NCKAP1L: variants seen among roughly 807,000 people sequenced by gnomAD.
The protein encoded by NCKAP1L is nck-associated protein 1-like.
In NCKAP1L, 53 loss-of-function variants were observed where a neutral mutation model predicts 139.2. The ratio of observed to expected loss-of-function variants is 0.38; its 90% CI spans 0.31 to 0.48. NCKAP1L has a LOEUF of 0.48. NCKAP1L is among the 20% of genes least tolerant of loss of function. The pLI, the probability that NCKAP1L is intolerant of heterozygous loss-of-function variation, is 0.98. For synonymous variants in NCKAP1L, 468 were observed against 499.7 expected (o/e 0.94, Z 0.85); for missense variants, 1,151 against 1,381.9 (o/e 0.83, Z 2.65).
At position 54,542,653 on chromosome 12, in the gene NCKAP1L, CG is replaced by C. The variant is rs1565685458; in HGVS notation, c.3355del (p.Glu1119ArgfsTer8). On this transcript the variant is annotated frameshift_variant, in exon 31 of 31. Coordinates refer to ENST00000293373, the MANE Select transcript of NCKAP1L (RefSeq NM_005337.5). LOFTEE classifies it high-confidence loss of function. ...TTATGTCCTGCTTCGAAATGCCTATCGGGAGGTGTCTCGGGCCTTCCACCTA... is the reference window on the plus strand; with the variant it reads ...TTATGTCCTGCTTCGAAATGCCTATCGGAGGTGTCTCGGGCCTTCCACCTA... ...FPYVLLRNAY[R>X]EVSRAFHLN 6.2e-7 allele frequency: 1 copy of C among 1,613,440 alleles called. No homozygotes were observed. The highest frequency in any genetic ancestry group is 1.1e-5 in the South Asian group (1 of 91,072).
chr12:54,547,848 G>A lies in NCKAP1L; in HGVS notation c.*5163G>A, dbSNP rs1957211358. The A allele has an allele frequency of 6.6e-6, 1 of 152,200 alleles. No individual in the cohort carries two copies. Among genetic ancestry groups the A allele is most frequent in the African/African-American group, 2.4e-5 (1 of 41,426 alleles). The allele number at this position is 152,200 out of a possible 1,614,324, so 9.4% of individuals were successfully genotyped here. On this transcript the variant is annotated 3_prime_UTR_variant, in exon 31 of 31. Transcript: ENST00000293373. ...TAGGAGTGTGACTAGGGTCTCAGAT[G>A]CAGCCATTTCTTGGCTGGGTCTGGG...
chr12:54,501,914 T>C (rs1399600066), intron 3 of NCKAP1L, among the ~76,000 whole-genome samples: 3 of 152,256 alleles, frequency 2.0e-5, no homozygotes, highest in African/African-American at 4.8e-5. Flanking sequence ...ATTTCGTTTT[T>C]TTGACAGTAG....
Position 54,519,227 on chromosome 12 carries a change from A to G in NCKAP1L, c.1520A>G (p.Glu507Gly). The G allele has an allele frequency of 6.3e-7, 1 of 1,581,350 alleles. No individual in the cohort carries two copies. The highest frequency in any genetic ancestry group is 8.5e-7 in the Non-Finnish European group (1 of 1,170,464). Residue 507 changes from glutamate (E) to glycine (G), a missense_variant, in exon 16 of 31, where the codon GAG becomes GGG. By Grantham distance (98) the Glu-to-Gly change is moderately conservative. Transcript: ENST00000293373. ...SVAKAPLHLH[E>G]NPDLAKVMNL... is the part of the protein sequence containing the mutation. ...GCTAAGGCCCCTCTGCACCTGCATG[A>G]GAACCCTGACTTAGCCAAGGTGATG...
At chr12:54,518,005 C>A in intron 13 of NCKAP1L, 67 bp downstream of exon 13, 3 of 1,571,014 alleles carry the variant, frequency 1.9e-6, no homozygotes, top group Non-Finnish European at 2.6e-6. Flanking sequence ...CCTATTGAAA[C>A]CACTCTGGCT....
chr12:54,538,186 T>C (rs948502621), intron 29 of NCKAP1L, among the ~76,000 whole-genome samples: 2 of 152,194 alleles, frequency 1.3e-5, no homozygotes, highest in Non-Finnish European at 2.9e-5. Context: ...TTCTGAGAAG[T>C]ACATGTCAGG....
At chr12:54,518,779 A>T in intron 14 of NCKAP1L, 47 bp downstream of exon 14, 1 of 1,547,026 alleles carries the variant, frequency 6.5e-7, no homozygotes, top group East Asian at 2.2e-5. Flanking sequence ...GAGGATGAAC[A>T]TCTTTTATCC....
intron 30 of NCKAP1L, 46 bp from the exon 31 acceptor site, chr12:54,542,529 A>T: frequency 7.0e-7 from 1 of 1,418,640 alleles, no homozygotes; most frequent in Non-Finnish European, 1.0e-6. Context: ...TATCACAGAC[A>T]AATGCCCTAC....
At chr12:54,527,044 A>T (rs904582927) in intron 21 of NCKAP1L, among the ~76,000 whole-genome samples, 12 of 152,078 alleles carry the variant, frequency 7.9e-5, no homozygotes, top group Admixed American at 7.9e-4. Flanking sequence ...TTACTGTTTC[A>T]ATTTCAAATG....
At chr12:54,497,983 C>A in intron 1 of NCKAP1L, 92 bp downstream of exon 1, 2 of 749,882 alleles carry the variant, frequency 2.7e-6, no homozygotes, top group Admixed American at 2.0e-5. Flanking sequence ...AGACTCCCAC[C>A]TTTTTTTCCA....
chr12:54,515,487 T>G (rs1237430397), intron 9 of NCKAP1L, among the ~76,000 whole-genome samples: 3 of 152,204 alleles, frequency 2.0e-5, no homozygotes, highest in African/African-American at 7.2e-5. Context: ...TGAAAAGGCC[T>G]TCTAATTTGG....
chr12:54,511,664 C>T, intron 7 of NCKAP1L, 139 bp from the exon 8 acceptor site: 1 of 812,962 alleles, frequency 1.2e-6, no homozygotes, highest in Non-Finnish European at 2.0e-6. Context: ...GCCCCTGCCT[C>T]CTAAAGTGTT....
chr12:54,501,694 T>C (rs113508446), intron 3 of NCKAP1L, among the ~76,000 whole-genome samples: 2,578 of 152,232 alleles, frequency 0.017, 84 homozygotes, highest in African/African-American at 0.059. Flanking sequence ...TTTGTAGAGA[T>C]GGGGTATCCC....
intron 4 of NCKAP1L, 99 bp from the exon 5 acceptor site, chr12:54,508,290 T>C: frequency 8.5e-7 from 1 of 1,183,148 alleles, no homozygotes; most frequent in Non-Finnish European, 1.2e-6. Context: ...ATAGATTCAC[T>C]CGGAATATAT....
intron 22 of NCKAP1L, among the ~76,000 whole-genome samples, chr12:54,529,954 C>T (rs1326786792): frequency 2.0e-5 from 3 of 152,232 alleles, no homozygotes; most frequent in African/African-American, 7.2e-5. Flanking sequence ...TTCTTCCTCT[C>T]TGTCAGCCAT....
intron 9 of NCKAP1L, among the ~76,000 whole-genome samples, chr12:54,515,957 C>T (rs867528752): frequency 6.6e-6 from 1 of 152,210 alleles, no homozygotes; most frequent in South Asian, 2.1e-4. Flanking sequence ...TCTAGCCCCA[C>T]CTTTGCCATT....
Position 54,519,320 on chromosome 12 carries a change from T to G in NCKAP1L, c.1613T>G (p.Leu538Arg), listed in dbSNP as rs1956961726. 1 of 1,572,034 alleles carries G rather than the reference T, an allele frequency of 6.4e-7. No individual in the cohort carries two copies. The part of the protein sequence containing the change: ...VEKLLVETSD[L>R]STFCFHLRIF... ...AAATTGCTGGTGGAAACTTCTGATCTGTCTACTTTCTGGTATGTCTTGGTT... is the reference window on the plus strand; with the variant it reads ...AAATTGCTGGTGGAAACTTCTGATCGGTCTACTTTCTGGTATGTCTTGGTT... The change falls in exon 16 of 31, where the codon CTG becomes CGG. Residue 538 changes from leucine (L) to arginine (R), a missense_variant. Physicochemically the swap from Leu to Arg is moderately radical, Grantham distance 102 (BLOSUM62 -2). Transcript: ENST00000293373.
At chr12:54,511,478 C>G (rs886193821) in intron 7 of NCKAP1L, among the ~76,000 whole-genome samples, 3 of 152,230 alleles carry the variant, frequency 2.0e-5, no homozygotes, top group Non-Finnish European at 2.9e-5. Flanking sequence ...ACAATCACAG[C>G]TCACTGCAGC....
intron 30 of NCKAP1L, 94 bp downstream of exon 30, chr12:54,539,067 C>T (rs1298320084): frequency 2.0e-5 from 21 of 1,044,658 alleles, no homozygotes; most frequent in African/African-American, 3.1e-5. Context: ...CCATTCTTGT[C>T]ACCCAAAAGC....
intron 26 of NCKAP1L, among the ~76,000 whole-genome samples, chr12:54,532,784 C>T (rs1276992236): frequency 6.6e-6 from 1 of 152,156 alleles, no homozygotes; most frequent in Non-Finnish European, 1.5e-5. Flanking sequence ...AGGGCTTCCA[C>T]AGACAATATA....
Sources: allele counts gnomAD v4.1 joint callset (sites outside exome capture counted in the v4.1 genomes callset), GRCh38; gene constraint gnomAD v4.1.1; transcripts MANE v1.5; gene names NCBI Gene and HGNC (gene_info 2026-07-23, HGNC 2026-07-21).